The following COL10A1 variants were observed in gnomAD, a reference collection of about 807,000 sequenced individuals.
COL10A1 encodes collagen alpha-1(X) chain.
A neutral mutation model predicts 18.2 loss-of-function variants in COL10A1; 10 were observed. The ratio of observed to expected loss-of-function variants is 0.55; its 90% CI spans 0.34 to 0.93. COL10A1 has a LOEUF of 0.93. Ranked by LOEUF, COL10A1 falls within the 40% of genes least tolerant of loss-of-function variation. The probability of loss-of-function intolerance (pLI) is 0.02; values close to 1 mark genes in which losing one functional copy is unlikely to be tolerated. For missense variants in COL10A1, 897 were observed against 853.5 expected (o/e 1.05, Z -0.64); for synonymous variants, 330 against 316.6 (o/e 1.04, Z -0.45).
chr6:116,123,656 G>A (rs1244620359), intron 2 of COL10A1, among the ~76,000 whole-genome samples: 1 of 152,166 alleles, frequency 6.6e-6, no homozygotes, highest in East Asian at 1.9e-4. Context: ...TACTTGTATA[G>A]ACTGTGGGCT....
At chr6:116,149,215 G>C (rs1438116585) in intron 1 of COL10A1, among the ~76,000 whole-genome samples, 1 of 152,162 alleles carries the variant, frequency 6.6e-6, no homozygotes, top group Non-Finnish European at 1.5e-5. Flanking sequence ...ATTATTAGCT[G>C]TTTGACACAA....
chr6:116,189,976 G>A, the COL10A1 span, among the ~76,000 whole-genome samples: 1 of 151,924 alleles, frequency 6.6e-6, no homozygotes, highest in Admixed American at 6.6e-5. Context: ...TAGTTTTCAG[G>A]TAGTGGCACA....
the COL10A1 span, among the ~76,000 whole-genome samples, chr6:116,167,373 C>T: frequency 5.9e-5 from 9 of 151,832 alleles, no homozygotes; most frequent in Admixed American, 2.0e-4. Flanking sequence ...CCACCACTGC[C>T]GGCTAATTTT....
the COL10A1 span, among the ~76,000 whole-genome samples, chr6:116,168,213 CTCTT>C: frequency 1.3e-5 from 2 of 150,964 alleles, no homozygotes; most frequent in Non-Finnish European, 3.0e-5. Context: ...TCTCTTTTCT[CTCTT>C]TCTGGGATTT....
chr6:116,210,321 A>G, the COL10A1 span, among the ~76,000 whole-genome samples: 1 of 151,992 alleles, frequency 6.6e-6, no homozygotes, highest in Admixed American at 6.6e-5. Flanking sequence ...ACTTATTAAA[A>G]TTCTGAACAA....
upstream of COL10A1, among the ~76,000 whole-genome samples, chr6:116,162,993 G>A (rs941408119): frequency 2.6e-5 from 4 of 151,496 alleles, no homozygotes; most frequent in Admixed American, 6.6e-5. Flanking sequence ...CAGGCGTGGC[G>A]GCAGGCACTT....
chr6:116,167,904 A>T, the COL10A1 span, among the ~76,000 whole-genome samples: 1 of 152,144 alleles, frequency 6.6e-6, no homozygotes, highest in Non-Finnish European at 1.5e-5. Context: ...CTTAGAGAAT[A>T]TTTTTAATGG....
Position 116,120,218 on chromosome 6 carries a change from A to C in COL10A1, c.1898T>G (p.Leu633Arg). ...YTYDEYTKGY[L>R]DQASGSAIID... Reference sequence around the variant, plus strand: ...GATGGCACTCCCTGAAGCCTGATCCAGGTAGCCTTTGGTGTATTCATCATA... The same window carrying C: ...GATGGCACTCCCTGAAGCCTGATCCCGGTAGCCTTTGGTGTATTCATCATA... The change falls in exon 3 of 3, where the codon CTG becomes CGG. Residue 633 changes from leucine (L) to arginine (R), a missense_variant. By Grantham distance (102) the Leu-to-Arg change is moderately radical (BLOSUM62 -2). Coordinates refer to ENST00000651968, the MANE Select transcript of COL10A1 (RefSeq NM_000493.4). The C allele has an allele frequency of 6.2e-7, 1 of 1,614,208 alleles. No homozygotes were observed. Among genetic ancestry groups the C allele is most frequent in the Non-Finnish European group, 8.5e-7 (1 of 1,180,032 alleles).
At chr6:116,172,067 A>T in the COL10A1 span, among the ~76,000 whole-genome samples, 867 of 152,268 alleles carry the variant, frequency 5.7e-3, 17 homozygotes, top group South Asian at 0.046. Flanking sequence ...CCACACATCT[A>T]TGGTTTCAGT....
At chr6:116,143,554 C>A (rs960792546) in intron 1 of COL10A1, among the ~76,000 whole-genome samples, 19 of 152,112 alleles carry the variant, frequency 1.2e-4, no homozygotes, top group Admixed American at 1.2e-3. Context: ...TGAATTTGTT[C>A]TACTACTTAA....
intron 1 of COL10A1, among the ~76,000 whole-genome samples, chr6:116,132,000 T>C (rs185238416): frequency 6.6e-6 from 1 of 152,326 alleles, no homozygotes; most frequent in Admixed American, 6.5e-5. Flanking sequence ...GCAAAGGACA[T>C]TATCTTATTG....
At chr6:116,181,505 T>G in the COL10A1 span, among the ~76,000 whole-genome samples, 2 of 152,102 alleles carry the variant, frequency 1.3e-5, no homozygotes, top group Non-Finnish European at 2.9e-5. Context: ...AAAGAACTTC[T>G]TTAATCCCAT....
At chr6:116,159,462 A>C (rs1300681327), upstream of COL10A1, among the ~76,000 whole-genome samples, 1 of 152,148 alleles carries the variant, frequency 6.6e-6, no homozygotes, top group Non-Finnish European at 1.5e-5. Context: ...TATACCATGC[A>C]TTATAGAATG....
chr6:116,154,742 A>G (rs913935595), intron 1 of COL10A1, among the ~76,000 whole-genome samples: 1 of 152,154 alleles, frequency 6.6e-6, no homozygotes, highest in Non-Finnish European at 1.5e-5. Flanking sequence ...ATTCTATTTT[A>G]TTTCACTCAT....
the COL10A1 span, among the ~76,000 whole-genome samples, chr6:116,191,165 A>G: frequency 1.3e-5 from 2 of 151,964 alleles, no homozygotes; most frequent in Non-Finnish European, 2.9e-5. Context: ...AACCTTATTC[A>G]GCTCTGGAAG....
chr6:116,173,478 C>G, the COL10A1 span, among the ~76,000 whole-genome samples: 1 of 152,092 alleles, frequency 6.6e-6, no homozygotes. Context: ...GGCAGCCTGT[C>G]AGTCCCTTTA....
chr6:116,201,852 T>C, the COL10A1 span, among the ~76,000 whole-genome samples: 1 of 152,060 alleles, frequency 6.6e-6, no homozygotes, highest in Non-Finnish European at 1.5e-5. Context: ...CTTTTTTAAA[T>C]GCTCTATTTC....
chr6:116,202,621 A>G, the COL10A1 span, among the ~76,000 whole-genome samples: 1 of 152,032 alleles, frequency 6.6e-6, no homozygotes, highest in African/African-American at 2.4e-5. Flanking sequence ...ATTGAGTGGT[A>G]TTTACAGAGT....
chr6:116,186,609 G>T, the COL10A1 span, among the ~76,000 whole-genome samples: 1 of 151,948 alleles, frequency 6.6e-6, no homozygotes, highest in Non-Finnish European at 1.5e-5. Flanking sequence ...GTTGGATTGA[G>T]TTAATTTGAA....
Sources: gnomAD v4.1 joint callset for allele counts (sites outside exome capture counted in the v4.1 genomes callset) on GRCh38, gnomAD v4.1.1 for gene constraint, MANE v1.5 for transcripts, NCBI Gene and HGNC (gene_info 2026-07-23, HGNC 2026-07-21) for gene names.